ARHGAP8: variants seen among roughly 807,000 people sequenced by gnomAD.
ARHGAP8 encodes the protein Rho GTPase activating protein 8.
In ARHGAP8, 62 loss-of-function variants were observed where a neutral mutation model predicts 46.1. That is an observed-to-expected ratio of 1.34 (90% CI 1.10 to 1.66). The LOEUF is 1.66. Ranked by LOEUF, ARHGAP8 falls within the 40% of genes most tolerant of loss-of-function variation. The pLI is 0.00. For missense variants in ARHGAP8, 923 were observed against 568.4 expected, an observed-to-expected ratio of 1.62 and a Z score of -6.34; for synonymous variants, 375 against 243.1, an observed-to-expected ratio of 1.54 and a Z score of -5.05.
chr22:44,833,096 C>CTTTT (rs533794156), intron 7 of ARHGAP8, among the ~76,000 whole-genome samples: 7 of 120,424 alleles, frequency 5.8e-5, no homozygotes, highest in East Asian at 5.4e-4. Context: ...CTTTTCTTTT[C>CTTTT]TTTTTTTTTT....
chr22:44,809,443 C>T (rs67998548), intron 4 of ARHGAP8: 30,084 of 350,530 alleles, frequency 0.086, 1,674 homozygotes, highest in African/African-American at 0.16. Context: ...TCACTAAAGC[C>T]TCTTCTTGCT....
At position 44,786,601 on chromosome 22, in the gene ARHGAP8, TGGCA is replaced by T; in HGVS notation, c.77_79+1del. 6.2e-7 allele frequency: 1 copy of T among 1,613,074 alleles called. No individual in the cohort carries two copies. The highest frequency in any genetic ancestry group is 1.3e-5 in the African/African-American group (1 of 74,994). ...GTGGCCAGACATGGCATTCTGCAGG[TGGCA>T]GGTAGGGCCCCAGCTGGGCAGTCTG... On this transcript the variant is annotated frameshift_variant and splice_region_variant, in exon 2 of 12. Coordinates refer to ENST00000356099, the MANE Select transcript of ARHGAP8 (RefSeq NM_181335.3). LOFTEE classifies it high-confidence loss of function.
rs542207248 is a variant in ARHGAP8, at chr22:44,758,143, A to C, written c.-72+5516A>C. On this transcript the variant is annotated intron_variant, in intron 1 of 11. Coordinates refer to ENST00000356099, the MANE Select transcript of ARHGAP8 (RefSeq NM_181335.3). ...TCTTTAGCCTGGCTAAAGAGTAACCAGATCTTTCTGTGAAGAGGCATCTGA... is the reference window on the plus strand; with the variant it reads ...TCTTTAGCCTGGCTAAAGAGTAACCCGATCTTTCTGTGAAGAGGCATCTGA... Among the ~76,000 whole-genome samples the C allele has an allele frequency of 2.4e-4, 37 of 152,260 alleles. No homozygotes were observed. The South Asian group carries it at 7.5e-3, about 31-fold the overall frequency.
At chr22:44,787,792 G>A (rs775846134) in intron 2 of ARHGAP8, among the ~76,000 whole-genome samples, 10 of 151,980 alleles carry the variant, frequency 6.6e-5, no homozygotes, top group Non-Finnish European at 8.8e-5. Context: ...ATAATAAAAA[G>A]AGGCCAGTTC....
rs542009887 is a variant in ARHGAP8, at chr22:44,861,028, C to T, written c.981+1194C>T. The stretch of plus-strand genomic sequence containing the variant: ...ATTCTCTCAAAAAAATTTTTTGAGA[C>T]AGTCTTGCTCTGTTGCCCTAGCTGG... On this transcript the variant is annotated intron_variant, in intron 11 of 11. Transcript: ENST00000356099. 2.6e-5 allele frequency among the ~76,000 whole-genome samples: 4 copies of T among 152,290 alleles called. 1 individual carries two copies. Among genetic ancestry groups the T allele is most frequent in the African/African-American group, 9.6e-5 (4 of 41,556 alleles).
chr22:44,839,297 G>C (rs533198581), intron 7 of ARHGAP8, among the ~76,000 whole-genome samples: 202 of 152,318 alleles, frequency 1.3e-3, no homozygotes, highest in African/African-American at 4.5e-3. Flanking sequence ...ACCTCGGGGA[G>C]CTGTGGATTG....
chr22:44,825,334 T>A (rs1930431316), intron 6 of ARHGAP8, 149 bp from the exon 7 acceptor site: 1 of 683,754 alleles, frequency 1.5e-6, no homozygotes, highest in Non-Finnish European at 2.4e-6. Context: ...TGTATGTGAG[T>A]GTGTGTGTGA....
At chr22:44,773,591 T>G (rs6007285) in intron 1 of ARHGAP8, among the ~76,000 whole-genome samples, 42,643 of 152,112 alleles carry the variant, frequency 0.28, 7,138 homozygotes, top group South Asian at 0.54. Flanking sequence ...TTTTTCTCTC[T>G]TTTTTCTTGA....
intron 1 of ARHGAP8, among the ~76,000 whole-genome samples, chr22:44,780,191 T>C (rs5765983): frequency 0.88 from 133,317 of 152,114 alleles, 58,501 homozygotes; most frequent in Non-Finnish European, 0.89. Context: ...AAATCTAACT[T>C]TATAAAAATA....
intron 10 of ARHGAP8, among the ~76,000 whole-genome samples, chr22:44,857,451 A>G (rs2070259928): frequency 6.6e-6 from 1 of 152,132 alleles, no homozygotes; most frequent in African/African-American, 2.4e-5. Flanking sequence ...CACAAGAGAA[A>G]AACATACCAG....
rs1426704998 is a variant in ARHGAP8, at chr22:44,812,554, A to G, written c.300-2118A>G. 2.0e-5 allele frequency among the ~76,000 whole-genome samples: 3 copies of G among 151,132 alleles called. No homozygotes were observed. The East Asian group carries it at 5.9e-4, about 30-fold the overall frequency. ...GTATTTTTAGTGGAGACGGGTTTTC[A>G]CCATGTTGGCCAGGATGGTCTCCAT... On this transcript the variant is annotated intron_variant, in intron 4 of 11. Transcript: ENST00000356099.
At chr22:44,777,915 C>A (rs1449594701) in intron 1 of ARHGAP8, among the ~76,000 whole-genome samples, 2 of 152,120 alleles carry the variant, frequency 1.3e-5, no homozygotes, top group Non-Finnish European at 2.9e-5. Context: ...AGTCTGTTCT[C>A]AAACTCCTGA....
chr22:44,843,519 C>CTGGATAATGTAT (rs1258053831), intron 7 of ARHGAP8, among the ~76,000 whole-genome samples: 1 of 152,032 alleles, frequency 6.6e-6, no homozygotes, highest in African/African-American at 2.4e-5. Flanking sequence ...TGTTAGAGTA[C>CTGGATAATGTAT]TGGATAATGT....
intron 1 of ARHGAP8, among the ~76,000 whole-genome samples, chr22:44,758,227 G>T (rs1399724379): frequency 2.0e-5 from 3 of 152,158 alleles, no homozygotes; most frequent in African/African-American, 7.2e-5. Context: ...GAGGCAGGCA[G>T]ATCACAAGGT....
chr22:44,795,213 T>C (rs552624305), intron 2 of ARHGAP8, among the ~76,000 whole-genome samples: 31 of 152,180 alleles, frequency 2.0e-4, no homozygotes, highest in African/African-American at 7.0e-4. Flanking sequence ...TAAGTGTTTA[T>C]TGAATGAATG....
intron 10 of ARHGAP8, among the ~76,000 whole-genome samples, chr22:44,858,674 T>C (rs906880934): frequency 1.1e-4 from 17 of 150,684 alleles, no homozygotes; most frequent in Middle Eastern, 6.9e-3. Flanking sequence ...CCTGGCTGGT[T>C]GGTGGGTTTT....
chr22:44,804,616 G>A (rs1040434166), intron 3 of ARHGAP8, among the ~76,000 whole-genome samples: 2 of 152,318 alleles, frequency 1.3e-5, no homozygotes, highest in East Asian at 3.9e-4. Flanking sequence ...CTCAGGACGT[G>A]ACCCTGGCGG....
chr22:44,815,361 C>CTGCAGGCGAGGGAG (rs1929661841), intron 5 of ARHGAP8, among the ~76,000 whole-genome samples: 1 of 152,166 alleles, frequency 6.6e-6, no homozygotes, highest in African/African-American at 2.4e-5. Flanking sequence ...CTCAGCCACT[C>CTGCAGGCGAGGGAG]GGTCTCCAGC....
intron 7 of ARHGAP8, among the ~76,000 whole-genome samples, chr22:44,842,056 G>A (rs1361313618): frequency 6.6e-6 from 1 of 152,148 alleles, no homozygotes; most frequent in Non-Finnish European, 1.5e-5. Flanking sequence ...CACTTGATTT[G>A]AAGGGTTAAA....
Sources: gnomAD v4.1 joint callset for allele counts (sites outside exome capture counted in the v4.1 genomes callset) on GRCh38, gnomAD v4.1.1 for gene constraint, MANE v1.5 for transcripts, NCBI Gene and HGNC (gene_info 2026-07-23, HGNC 2026-07-21) for gene names.